IPCEF1: variants seen among roughly 807,000 people sequenced by gnomAD.
IPCEF1 encodes interactor protein for cytohesin exchange factors 1.
A neutral mutation model predicts 50.9 loss-of-function variants in IPCEF1; 31 were observed. That is an observed-to-expected ratio of 0.61 (90% CI 0.46 to 0.82). The LOEUF (loss-of-function observed/expected upper bound fraction) is 0.82, where lower values mean the gene tolerates loss of function less well. Among genes scored for constraint, IPCEF1 ranks in the 40% least tolerant of loss-of-function variants. The pLI is 0.00. For missense variants in IPCEF1, 458 were observed against 514.0 expected, an observed-to-expected ratio of 0.89 and a Z score of 1.05; for synonymous variants, 181 against 192.0, an observed-to-expected ratio of 0.94 and a Z score of 0.47.
chr6:154,284,828 C>G (rs897461312), intron 2 of IPCEF1, among the ~76,000 whole-genome samples: 2 of 152,064 alleles, frequency 1.3e-5, no homozygotes, highest in African/African-American at 4.8e-5. Flanking sequence ...AGTGAAACCC[C>G]GTCTCTACTA....
Position 154,221,479 on chromosome 6 carries a change from T to G in IPCEF1, c.321-151A>C, listed in dbSNP as rs1778851676. On this transcript the variant is annotated intron_variant, in intron 6 of 11. Transcript: ENST00000367220. ...TAATTTAGTAATATTAGATACCTAT[T>G]GTCTAGTCTCTGTTTCATATAGAGA... The G allele has an allele frequency of 9.2e-6, 6 of 654,918 alleles. No homozygotes were observed. The South Asian group carries it at 1.2e-4, about 13-fold the overall frequency. The allele number at this position is 654,918 out of a possible 1,614,324, so 40.6% of individuals were successfully genotyped here.
chr6:154,180,415 T>TATATATATATATC (rs1491475267), intron 10 of IPCEF1, among the ~76,000 whole-genome samples: 1 of 29,338 alleles, frequency 3.4e-5, no homozygotes. Flanking sequence ...TATATATATA[T>TATATATATATATC]TTTTTTTTTA....
At chr6:154,271,253 T>C (rs1781896143) in intron 2 of IPCEF1, among the ~76,000 whole-genome samples, 2 of 151,182 alleles carry the variant, frequency 1.3e-5, no homozygotes, top group Non-Finnish European at 3.0e-5. Flanking sequence ...GCATATGTAG[T>C]TGGGAGATTG....
In IPCEF1 at chr6:154,157,601, G is replaced by C. The variant is rs6916787; in HGVS notation, c.*2227C>G. 6.6e-6 allele frequency: 1 copy of C among 152,110 alleles called. No homozygotes were observed. The highest frequency in any genetic ancestry group is 2.4e-5 in the African/African-American group (1 of 41,366). 9.4% of individuals were successfully genotyped at this position (152,110 alleles called of 1,614,324 possible). A position where few individuals can be genotyped will look rare whatever the true frequency, so the allele number is the denominator to read the frequency against. On this transcript the variant is annotated 3_prime_UTR_variant, in exon 12 of 12. Transcript: ENST00000367220. ...AATATGTCTTCACGAAAAGCCAAAGGAAAGCATTCAAAGCTATTCACAAAC... is the reference window on the plus strand; with the variant it reads ...AATATGTCTTCACGAAAAGCCAAAGCAAAGCATTCAAAGCTATTCACAAAC...
At chr6:154,315,717 T>C (rs1173733863) in intron 1 of IPCEF1, among the ~76,000 whole-genome samples, 1 of 152,176 alleles carries the variant, frequency 6.6e-6, no homozygotes, top group South Asian at 2.1e-4. Context: ...CAATCCCCCA[T>C]CTGTCTTCAA....
At chr6:154,294,761 A>G (rs1782597314) in intron 1 of IPCEF1, among the ~76,000 whole-genome samples, 1 of 152,140 alleles carries the variant, frequency 6.6e-6, no homozygotes, top group South Asian at 2.1e-4. Context: ...CTGCGAGCCT[A>G]ATCTTTCATG....
chr6:154,195,147 C>CTTTTTTTTTTT (rs10719288), intron 10 of IPCEF1, among the ~76,000 whole-genome samples: 1 of 122,898 alleles, frequency 8.1e-6, no homozygotes, highest in Admixed American at 8.2e-5. Flanking sequence ...TCTTTTCTTT[C>CTTTTTTTTTTT]TTTTTTTTTT....
intron 5 of IPCEF1, among the ~76,000 whole-genome samples, chr6:154,240,694 C>T (rs899269593): frequency 1.3e-5 from 2 of 152,156 alleles, no homozygotes. Context: ...AAGAAATATG[C>T]CTTCCAAAGA....
chr6:154,318,262 T>C (rs1436082910), intron 1 of IPCEF1, among the ~76,000 whole-genome samples: 1 of 152,166 alleles, frequency 6.6e-6, no homozygotes, highest in African/African-American at 2.4e-5. Context: ...TTGAGTTCCA[T>C]GAACATACAC....
chr6:154,260,066 G>C (rs1317724768), intron 3 of IPCEF1, among the ~76,000 whole-genome samples: 1 of 152,168 alleles, frequency 6.6e-6, no homozygotes, highest in Non-Finnish European at 1.5e-5. Context: ...ATCGTGTCTG[G>C]GCTGTTGACT....
chr6:154,324,691 C>A (rs1473501753), intron 1 of IPCEF1, among the ~76,000 whole-genome samples: 2 of 151,978 alleles, frequency 1.3e-5, no homozygotes, highest in Admixed American at 1.3e-4. Context: ...GCCTGTAATC[C>A]CAACTACTTG....
At position 154,154,776 on chromosome 6, in the gene IPCEF1, A is replaced by T. The variant is rs1390845249; in HGVS notation, c.*5052T>A. 1 of 152,600 alleles carries T rather than the reference A, an allele frequency of 6.6e-6. No individual in the cohort carries two copies. The highest frequency in any genetic ancestry group is 1.5e-5 in the Non-Finnish European group (1 of 68,044). 9.5% of individuals were successfully genotyped at this position (152,600 alleles called of 1,614,324 possible). ...GTCAACCTCAAAAACATAAAGCAGG[A>T]GAGAAATGAGCCATGCCTCTTTTTC... is the stretch of plus-strand genomic sequence containing the variant. On this transcript the variant is annotated 3_prime_UTR_variant, in exon 12 of 12. Coordinates refer to ENST00000367220, the MANE Select transcript of IPCEF1 (RefSeq NM_001130700.2).
At position 154,265,902 on chromosome 6, in the gene IPCEF1, G is replaced by A. The variant is rs778121337; in HGVS notation, c.36+10C>T. 2.6e-5 allele frequency: 41 copies of A among 1,581,006 alleles called. No individual in the cohort carries two copies. The highest frequency in any genetic ancestry group is 3.4e-5 in the Non-Finnish European group (40 of 1,159,522). ...TATCTAAAGCCTGGGGTATTCCAAA[G>A]GATACTTACAAGAGCACTGCCATCA... On this transcript the variant is annotated intron_variant, in intron 3 of 11. Coordinates refer to ENST00000367220, the MANE Select transcript of IPCEF1 (RefSeq NM_001130700.2).
At chr6:154,179,548 A>G (rs547030821) in intron 10 of IPCEF1, among the ~76,000 whole-genome samples, 1 of 152,132 alleles carries the variant, frequency 6.6e-6, no homozygotes, top group Non-Finnish European at 1.5e-5. Flanking sequence ...TCTGACAGTC[A>G]AGTGTTTCCA....
At chr6:154,334,199 T>A (rs1783740431) in intron 1 of IPCEF1, among the ~76,000 whole-genome samples, 1 of 152,156 alleles carries the variant, frequency 6.6e-6, no homozygotes, top group Admixed American at 6.5e-5. Flanking sequence ...TGTTAGTAAC[T>A]CATAACAATT....
chr6:154,218,287 A>G (rs772680687), intron 7 of IPCEF1, among the ~76,000 whole-genome samples: 34 of 152,258 alleles, frequency 2.2e-4, no homozygotes, highest in Non-Finnish European at 4.4e-4. Flanking sequence ...TTCTTCCCAC[A>G]GTGTCTGAGA....
chr6:154,325,878 G>T (rs1783505950), intron 1 of IPCEF1, among the ~76,000 whole-genome samples: 2 of 152,130 alleles, frequency 1.3e-5, no homozygotes, highest in South Asian at 4.1e-4. Flanking sequence ...CAAGTGAGAA[G>T]AAATGAGAAG....
chr6:154,231,042 T>C (rs1779673647), intron 5 of IPCEF1, among the ~76,000 whole-genome samples: 1 of 152,196 alleles, frequency 6.6e-6, no homozygotes. Flanking sequence ...AATCTATTGT[T>C]TTCTCAGTTA....
At chr6:154,273,724 CTTTTTT>C (rs71021036) in intron 2 of IPCEF1, among the ~76,000 whole-genome samples, 36 of 63,314 alleles carry the variant, frequency 5.7e-4, no homozygotes, top group South Asian at 1.8e-3. Context: ...TTCTTTCTTT[CTTTTTT>C]TTTTTTTTTT....
Sources: gnomAD v4.1 joint callset for allele counts (sites outside exome capture counted in the v4.1 genomes callset) on GRCh38, gnomAD v4.1.1 for gene constraint, MANE v1.5 for transcripts, NCBI Gene and HGNC (gene_info 2026-07-23, HGNC 2026-07-21) for gene names.